Variants in THRB observed in about 807,000 individuals in gnomAD.
THRB encodes the protein thyroid hormone receptor beta.
A neutral mutation model predicts 47.8 loss-of-function variants in THRB; 12 were observed. That is an observed-to-expected ratio of 0.25 (90% CI 0.16 to 0.41). The LOEUF is 0.41. Ranked by LOEUF, THRB falls within the 10% of genes least tolerant of loss-of-function variation. THRB has a pLI of 1.00. For missense variants in THRB, 348 were observed against 589.2 expected (o/e 0.59, Z 4.24); for synonymous variants, 218 against 212.2 (o/e 1.03, Z -0.24).
rs72619914 is a variant in THRB at position 24,134,805 on chromosome 3, A to G, written c.739-1343T>C. Among the ~76,000 whole-genome samples the G allele has an allele frequency of 3.7e-3, 570 of 152,292 alleles. 9 individuals are homozygous for G. In the East Asian group the frequency reaches 0.05, roughly 13 times the overall value. ...TGCCTAGAGCCACAGTGAATAGACAAGAACAAGACCAGTTCTCTTTTCCGC... is the reference window on the plus strand; with the variant it reads ...TGCCTAGAGCCACAGTGAATAGACAGGAACAAGACCAGTTCTCTTTTCCGC... On this transcript the variant is annotated intron_variant, in intron 8 of 10. Transcript: ENST00000646209.
chr3:24,280,315 C>T (rs2054423176), intron 3 of THRB, among the ~76,000 whole-genome samples: 1 of 152,162 alleles, frequency 6.6e-6, no homozygotes, highest in Non-Finnish European at 1.5e-5. Context: ...AGGCACACCC[C>T]AGCAGGGACA....
At chr3:24,272,523 G>T (rs546314139) in intron 3 of THRB, among the ~76,000 whole-genome samples, 5 of 152,218 alleles carry the variant, frequency 3.3e-5, no homozygotes, top group African/African-American at 1.2e-4. Context: ...AATTTGTAAT[G>T]CACTCACATG....
chr3:24,146,581 T>A, intron 7 of THRB, 94 bp downstream of exon 7: 1 of 1,325,094 alleles, frequency 7.5e-7, no homozygotes, highest in Non-Finnish European at 1.1e-6. Flanking sequence ...TCTTCTTGGG[T>A]TCCTGCCTTC....
chr3:24,358,168 T>C (rs770054432), intron 1 of THRB, among the ~76,000 whole-genome samples: 4 of 152,176 alleles, frequency 2.6e-5, no homozygotes, highest in South Asian at 2.1e-4. Flanking sequence ...TACTAATTCA[T>C]AAGAGTGCTG....
At chr3:24,466,417 T>C (rs1223520791) in intron 1 of THRB, among the ~76,000 whole-genome samples, 1 of 152,184 alleles carries the variant, frequency 6.6e-6, no homozygotes, top group Non-Finnish European at 1.5e-5. Flanking sequence ...AAATTTCCCT[T>C]AGAAGACTTA....
At chr3:24,148,245 G>C (rs1230287030) in intron 6 of THRB, among the ~76,000 whole-genome samples, 1 of 152,140 alleles carries the variant, frequency 6.6e-6, no homozygotes, top group African/African-American at 2.4e-5. Flanking sequence ...TCATATCTTA[G>C]CATCCAGAGT....
chr3:24,447,137 C>T (rs970951509), intron 1 of THRB, among the ~76,000 whole-genome samples: 1 of 152,030 alleles, frequency 6.6e-6, no homozygotes, highest in Admixed American at 6.6e-5. Flanking sequence ...CACAGATTCC[C>T]CTTTCCAATT....
At chr3:24,158,439 GA>G (rs58887769) in intron 5 of THRB, among the ~76,000 whole-genome samples, 40,838 of 87,084 alleles carry the variant, frequency 0.47, 6,710 homozygotes, top group African/African-American at 0.55. Context: ...TTTTTGGGGG[GA>G]GGGTGGGGGA....
At chr3:24,180,154 T>C (rs975634190) in intron 5 of THRB, among the ~76,000 whole-genome samples, 2 of 151,878 alleles carry the variant, frequency 1.3e-5, no homozygotes, top group African/African-American at 4.8e-5. Flanking sequence ...TTTTATATCT[T>C]AGTCTTATTA....
At chr3:24,414,336 G>A (rs184376743) in intron 1 of THRB, among the ~76,000 whole-genome samples, 3 of 151,874 alleles carry the variant, frequency 2.0e-5, no homozygotes, top group South Asian at 2.1e-4. Context: ...AAGTCAATTC[G>A]GCAGAAGCCC....
intron 3 of THRB, among the ~76,000 whole-genome samples, chr3:24,286,075 C>A (rs1283834792): frequency 1.3e-5 from 2 of 152,174 alleles, no homozygotes; most frequent in African/African-American, 4.8e-5. Flanking sequence ...CATGTGAAGG[C>A]ATAAAGAGAA....
At chr3:24,295,363 A>T (rs1277223325) in intron 3 of THRB, among the ~76,000 whole-genome samples, 1 of 152,212 alleles carries the variant, frequency 6.6e-6, no homozygotes, top group Non-Finnish European at 1.5e-5. Context: ...ACAGTATAGG[A>T]TTACTAGGGC....
At chr3:24,287,201 G>A (rs565906056) in intron 3 of THRB, among the ~76,000 whole-genome samples, 37 of 151,906 alleles carry the variant, frequency 2.4e-4, no homozygotes, top group African/African-American at 7.7e-4. Context: ...AACTCTGTTC[G>A]TCCCCTACCC....
chr3:24,185,701 T>C (rs1240322762), intron 5 of THRB, among the ~76,000 whole-genome samples: 4 of 152,070 alleles, frequency 2.6e-5, no homozygotes, highest in Admixed American at 2.6e-4. Context: ...CTGATTGACA[T>C]AAAAGTGTAA....
At chr3:24,470,936 C>T (rs2074522553) in intron 1 of THRB, among the ~76,000 whole-genome samples, 1 of 152,202 alleles carries the variant, frequency 6.6e-6, no homozygotes, top group Non-Finnish European at 1.5e-5. Context: ...AACTAAGACA[C>T]TTCAACATGT....
intron 1 of THRB, among the ~76,000 whole-genome samples, chr3:24,422,428 C>A (rs538129427): frequency 1.3e-5 from 2 of 151,960 alleles, no homozygotes; most frequent in South Asian, 2.1e-4. Flanking sequence ...GCCATGTCAG[C>A]CCTGCACTGC....
chr3:24,295,187 G>A (rs965283448), intron 3 of THRB, among the ~76,000 whole-genome samples: 7 of 152,096 alleles, frequency 4.6e-5, no homozygotes, highest in Non-Finnish European at 4.4e-5. Flanking sequence ...TTGTATTATC[G>A]AAACTAGCTC....
At chr3:24,165,006 T>C in intron 5 of THRB, 1 of 718,346 alleles carries the variant, frequency 1.4e-6, no homozygotes, top group Non-Finnish European at 2.5e-6. Flanking sequence ...TTTGAACAAA[T>C]TTAAGCAAAA....
chr3:24,454,208 A>G (rs946921948), intron 1 of THRB, among the ~76,000 whole-genome samples: 2 of 152,242 alleles, frequency 1.3e-5, no homozygotes, highest in East Asian at 3.8e-4. Context: ...ATGGTATGAC[A>G]TGGATAACCT....
Sources: allele counts gnomAD v4.1 joint callset (sites outside exome capture counted in the v4.1 genomes callset), GRCh38; gene constraint gnomAD v4.1.1; transcripts MANE v1.5; gene names NCBI Gene and HGNC (gene_info 2026-07-23, HGNC 2026-07-21).